The following FAM222A variants were observed in gnomAD, a reference collection of about 807,000 sequenced individuals.
The protein encoded by FAM222A is family with sequence similarity 222 member A.
In FAM222A, 7 loss-of-function variants were observed where a neutral mutation model predicts 25.8. That is an observed-to-expected ratio of 0.27 (90% CI 0.15 to 0.51). The LOEUF (loss-of-function observed/expected upper bound fraction) is 0.51, where lower values mean the gene tolerates loss of function less well. FAM222A is among the 20% of genes least tolerant of loss of function. FAM222A has a pLI of 0.97. For synonymous variants in FAM222A, 294 were observed against 298.8 expected (o/e 0.98, Z 0.17); for missense variants, 573 against 640.5 (o/e 0.89, Z 1.14).
chr12:109,718,659 C>CG (rs1431307659), intron 1 of FAM222A, among the ~76,000 whole-genome samples: 1 of 152,222 alleles, frequency 6.6e-6, no homozygotes, highest in Non-Finnish European at 1.5e-5. Flanking sequence ...CTGTGCGTTG[C>CG]GGGCCGCGGG....
intron 1 of FAM222A, among the ~76,000 whole-genome samples, chr12:109,735,095 G>T (rs575439842): frequency 6.6e-6 from 1 of 152,118 alleles, no homozygotes; most frequent in Non-Finnish European, 1.5e-5. Context: ...CTTAGCATTG[G>T]GCTAAAAGCT....
intron 2 of FAM222A, among the ~76,000 whole-genome samples, chr12:109,763,953 C>T (rs1888969803): frequency 6.6e-6 from 1 of 152,112 alleles, no homozygotes; most frequent in Admixed American, 6.6e-5. Flanking sequence ...GGTGCCGTGG[C>T]ATCTCAAAGT....
At chr12:109,728,861 C>T (rs994964167) in intron 1 of FAM222A, among the ~76,000 whole-genome samples, 10 of 152,270 alleles carry the variant, frequency 6.6e-5, no homozygotes, top group African/African-American at 2.4e-4. Context: ...GGGACGCCCA[C>T]AGAGCAGGGA....
rs866116918 is a variant in FAM222A at position 109,723,173 on chromosome 12, G to A, written c.-47+8276G>A. Among the ~76,000 whole-genome samples, 94 of 152,272 alleles carry A rather than the reference G, an allele frequency of 6.2e-4. No homozygotes were observed. In the Middle Eastern group the frequency reaches 0.014, roughly 22 times the overall value. ...ATTTTGAGCCCGGGGTGGATGGGAG[G>A]GGTGCAGGCCACTAGCCTCTATTCT... On this transcript the variant is annotated intron_variant, in intron 1 of 2. Transcript: ENST00000538780.
intron 1 of FAM222A, among the ~76,000 whole-genome samples, chr12:109,725,829 G>A (rs565736124): frequency 3.4e-4 from 52 of 152,142 alleles, no homozygotes; most frequent in Non-Finnish European, 6.6e-4. Flanking sequence ...TTGTCAGCTG[G>A]TGCTGCTCCA....
rs570064789 is a variant in FAM222A, at chr12:109,769,585, C to T, written c.*297C>T. On this transcript the variant is annotated 3_prime_UTR_variant, in exon 3 of 3. Transcript: ENST00000538780. ...CTGGCAGAGGCAGGGAGAGAGAAAC[C>T]ACTCAAAAACAGGAATGGTTCTTTC... 4.7e-5 allele frequency: 21 copies of T among 448,382 alleles called. No homozygotes were observed. The highest frequency in any genetic ancestry group is 1.2e-5 in the Non-Finnish European group (3 of 250,610). The allele number at this position is 448,382 out of a possible 1,614,324, so 27.8% of individuals were successfully genotyped here. A position where few individuals can be genotyped will look rare whatever the true frequency, so the allele number is the denominator to read the frequency against.
intron 2 of FAM222A, among the ~76,000 whole-genome samples, chr12:109,763,035 G>A (rs1888942977): frequency 6.6e-6 from 1 of 152,252 alleles, no homozygotes; most frequent in Non-Finnish European, 1.5e-5. Context: ...CAGGGCAGGT[G>A]TGAGAGCTGC....
chr12:109,759,663 C>T lies in FAM222A; in HGVS notation c.83-8349C>T, dbSNP rs569099976. ...TTCCCGACAAGTCTTTAATGGGGGC[C>T]GCAGCAGGCAGAGGCAGAGTGGGGG... On this transcript the variant is annotated intron_variant, in intron 2 of 2. Transcript: ENST00000538780. 7.1e-4 allele frequency among the ~76,000 whole-genome samples: 108 copies of T among 152,342 alleles called. 2 individuals carry two copies. The highest frequency in any genetic ancestry group is 2.9e-3 in the Admixed American group (44 of 15,300).
At chr12:109,760,730 G>A (rs760373890) in intron 2 of FAM222A, among the ~76,000 whole-genome samples, 24 of 152,314 alleles carry the variant, frequency 1.6e-4, no homozygotes, top group Non-Finnish European at 3.4e-4. Flanking sequence ...CAAGGACTGC[G>A]GAAGGGCAAG....
intron 1 of FAM222A, among the ~76,000 whole-genome samples, chr12:109,718,579 A>C (rs1478906396): frequency 6.6e-6 from 1 of 152,188 alleles, no homozygotes; most frequent in Non-Finnish European, 1.5e-5. Flanking sequence ...GCTCTCTCCC[A>C]GCAGCGGCCG....
At chr12:109,727,310 T>C (rs1403016053) in intron 1 of FAM222A, among the ~76,000 whole-genome samples, 4 of 152,008 alleles carry the variant, frequency 2.6e-5, no homozygotes, top group Non-Finnish European at 5.9e-5. Flanking sequence ...CCCTTTTGTG[T>C]GCCTCTCGGA....
intron 2 of FAM222A, among the ~76,000 whole-genome samples, chr12:109,761,050 T>C (rs1165326876): frequency 6.6e-6 from 1 of 152,126 alleles, no homozygotes; most frequent in African/African-American, 2.4e-5. Flanking sequence ...TTAACACCTC[T>C]CACAGAACCT....
intron 1 of FAM222A, chr12:109,720,225 G>A (rs961429618): frequency 1.0e-6 from 1 of 977,252 alleles, no homozygotes; most frequent in Non-Finnish European, 1.2e-6. Flanking sequence ...GAGGGCACAG[G>A]GGACAAAGGC....
chr12:109,716,187 C>T lies in FAM222A; in HGVS notation c.-47+1290C>T, dbSNP rs116320136. ...CAACCAACACACACCCCAGTACTGGCACGCTTCCCTGCAAAGGCCCAGAGA... is the reference window on the plus strand; with the variant it reads ...CAACCAACACACACCCCAGTACTGGTACGCTTCCCTGCAAAGGCCCAGAGA... On this transcript the variant is annotated intron_variant, in intron 1 of 2. Coordinates refer to ENST00000538780, the MANE Select transcript of FAM222A (RefSeq NM_032829.3). Among the ~76,000 whole-genome samples, 1,380 of 152,334 alleles carry T rather than the reference C, an allele frequency of 9.1e-3. 22 individuals are homozygous for T. Among genetic ancestry groups the T allele is most frequent in the African/African-American group, 0.031 (1,295 of 41,566 alleles).
intron 1 of FAM222A, among the ~76,000 whole-genome samples, chr12:109,723,138 G>A (rs1004913070): frequency 3.3e-5 from 5 of 152,106 alleles, no homozygotes; most frequent in Admixed American, 2.6e-4. Context: ...AGCAGGGGTG[G>A]CAAGCTGGCA....
chr12:109,744,556 C>T, intron 2 of FAM222A: 1 of 985,414 alleles, frequency 1.0e-6, no homozygotes, highest in Non-Finnish European at 1.2e-6. Flanking sequence ...CCCTTACCAC[C>T]ATTAAAGTAG....
intron 1 of FAM222A, among the ~76,000 whole-genome samples, chr12:109,729,500 C>T (rs1029218524): frequency 6.6e-6 from 1 of 152,202 alleles, no homozygotes; most frequent in Non-Finnish European, 1.5e-5. Context: ...CTGAGCCCCA[C>T]GAGGGCACCA....
At chr12:109,719,264 A>G (rs1887705618) in intron 1 of FAM222A, among the ~76,000 whole-genome samples, 1 of 152,220 alleles carries the variant, frequency 6.6e-6, no homozygotes, top group Non-Finnish European at 1.5e-5. Context: ...GCTGAGAAGC[A>G]GGGGCCCAGA....
At chr12:109,726,959 A>G (rs540389569) in intron 1 of FAM222A, among the ~76,000 whole-genome samples, 55 of 152,248 alleles carry the variant, frequency 3.6e-4, no homozygotes, top group African/African-American at 1.2e-3. Flanking sequence ...CATGGTCCCC[A>G]TTGTACAGAT....
Sources: allele counts gnomAD v4.1 joint callset (sites outside exome capture counted in the v4.1 genomes callset), GRCh38; gene constraint gnomAD v4.1.1; transcripts MANE v1.5; gene names NCBI Gene and HGNC (gene_info 2026-07-23, HGNC 2026-07-21).